The following CDKAL1 variants were observed in gnomAD, a reference collection of about 807,000 sequenced individuals.
The protein encoded by CDKAL1 is CDKAL1 threonylcarbamoyladenosine tRNA methylthiotransferase, also known as threonylcarbamoyladenosine tRNA methylthiotransferase.
In CDKAL1, 32 loss-of-function variants were observed where a neutral mutation model predicts 68.2. The observed-to-expected ratio is 0.47, with a 90% CI of 0.35 to 0.63. The LOEUF (loss-of-function observed/expected upper bound fraction) is 0.63. Ranked by LOEUF, CDKAL1 falls within the 30% of genes least tolerant of loss-of-function variation. The pLI is 0.00. For missense variants in CDKAL1, 606 were observed against 696.7 expected (o/e 0.87, Z 1.47); for synonymous variants, 234 against 244.3 (o/e 0.96, Z 0.39).
intron 11 of CDKAL1, among the ~76,000 whole-genome samples, chr6:21,059,802 TC>T (rs1243781810): frequency 6.6e-6 from 1 of 152,220 alleles, no homozygotes; most frequent in Non-Finnish European, 1.5e-5. Context: ...ACAAGTGGTT[TC>T]TGGTTACATG....
intron 5 of CDKAL1, among the ~76,000 whole-genome samples, chr6:20,680,116 G>A (rs890468238): frequency 2.0e-5 from 3 of 151,748 alleles, no homozygotes; most frequent in African/African-American, 7.3e-5. Context: ...TGCCCAGGTT[G>A]AAGTGTAGTG....
chr6:20,686,256 G>C (rs928876313), intron 5 of CDKAL1, among the ~76,000 whole-genome samples: 1 of 152,098 alleles, frequency 6.6e-6, no homozygotes, highest in African/African-American at 2.4e-5. Context: ...ACTGGTACTG[G>C]TCTGTGGCTT....
intron 4 of CDKAL1, among the ~76,000 whole-genome samples, chr6:20,568,248 G>A (rs1470838479): frequency 6.6e-6 from 1 of 152,032 alleles, no homozygotes. Context: ...CCAACTCCTG[G>A]CCTCAAGGGA....
At chr6:20,810,533 G>GC (rs1326329398) in intron 8 of CDKAL1, among the ~76,000 whole-genome samples, 1 of 150,850 alleles carries the variant, frequency 6.6e-6, no homozygotes, top group African/African-American at 2.4e-5. Flanking sequence ...GGAGTTCCAG[G>GC]CTGCAGTGAG....
intron 4 of CDKAL1, among the ~76,000 whole-genome samples, chr6:20,646,474 T>G (rs1053737991): frequency 1.3e-5 from 2 of 152,152 alleles, no homozygotes; most frequent in African/African-American, 4.8e-5. Flanking sequence ...AGCTCCATTA[T>G]ACTCTTGTGT....
intron 4 of CDKAL1, among the ~76,000 whole-genome samples, chr6:20,627,130 A>G (rs1489857452): frequency 2.6e-5 from 4 of 152,214 alleles, no homozygotes; most frequent in East Asian, 3.9e-4. Context: ...GTTCTTATAC[A>G]TAATTGCATC....
At chr6:20,995,294 A>C (rs1767042300) in intron 10 of CDKAL1, among the ~76,000 whole-genome samples, 1 of 152,186 alleles carries the variant, frequency 6.6e-6, no homozygotes, top group African/African-American at 2.4e-5. Context: ...ATGAATCATG[A>C]ATGTTCTTAA....
intron 8 of CDKAL1, among the ~76,000 whole-genome samples, chr6:20,813,504 G>T (rs957753292): frequency 6.6e-6 from 1 of 152,038 alleles, no homozygotes; most frequent in Non-Finnish European, 1.5e-5. Flanking sequence ...TGTACTTTTT[G>T]TGTTTCACAT....
chr6:20,955,372 G>C (rs750391098), intron 9 of CDKAL1, 47 bp from the exon 10 acceptor site: 4 of 1,573,318 alleles, frequency 2.5e-6, no homozygotes, highest in Non-Finnish European at 3.5e-6. Flanking sequence ...TATGATGAAG[G>C]AAACAGCTCT....
chr6:21,205,540 G>A (rs1199360523), intron 15 of CDKAL1, among the ~76,000 whole-genome samples: 1 of 151,152 alleles, frequency 6.6e-6, no homozygotes, highest in Non-Finnish European at 1.5e-5. Flanking sequence ...GTTTTGTTTT[G>A]TTTTTTTTGA....
chr6:21,189,722 T>C (rs536784888), intron 13 of CDKAL1, among the ~76,000 whole-genome samples: 1 of 152,334 alleles, frequency 6.6e-6, no homozygotes, highest in South Asian at 2.1e-4. Context: ...TAGAATGGCA[T>C]TGTGGAGTAA....
At chr6:21,170,311 A>G (rs1011321457) in intron 13 of CDKAL1, among the ~76,000 whole-genome samples, 1 of 152,096 alleles carries the variant, frequency 6.6e-6, no homozygotes, top group Non-Finnish European at 1.5e-5. Flanking sequence ...TACAGTGTCT[A>G]CTTATGAGGT....
intron 5 of CDKAL1, among the ~76,000 whole-genome samples, chr6:20,721,915 T>C (rs2127846088): frequency 6.6e-6 from 1 of 152,046 alleles, no homozygotes; most frequent in East Asian, 1.9e-4. Flanking sequence ...GCATTTTTAG[T>C]AGAGATGGGA....
chr6:21,044,011 T>A (rs1035252114), intron 11 of CDKAL1, among the ~76,000 whole-genome samples: 1 of 152,236 alleles, frequency 6.6e-6, no homozygotes, highest in Non-Finnish European at 1.5e-5. Context: ...AAGTGGAATA[T>A]AAATTCTATT....
At chr6:21,079,136 AT>A (rs1349740762) in intron 12 of CDKAL1, among the ~76,000 whole-genome samples, 1 of 152,156 alleles carries the variant, frequency 6.6e-6, no homozygotes, top group Non-Finnish European at 1.5e-5. Flanking sequence ...ATTCATTCCC[AT>A]TGGGGCGGTG....
intron 15 of CDKAL1, among the ~76,000 whole-genome samples, chr6:21,226,838 G>A (rs1016639588): frequency 6.6e-6 from 1 of 152,198 alleles, no homozygotes; most frequent in African/African-American, 2.4e-5. Flanking sequence ...TCAGCCTCCC[G>A]AGTAGCTGGG....
At chr6:20,785,748 T>C (rs1775645353) in intron 8 of CDKAL1, among the ~76,000 whole-genome samples, 1 of 152,204 alleles carries the variant, frequency 6.6e-6, no homozygotes, top group African/African-American at 2.4e-5. Context: ...TTTTCAAAAT[T>C]TTATTGCTTC....
At chr6:21,179,691 A>G (rs1777718581) in intron 13 of CDKAL1, among the ~76,000 whole-genome samples, 1 of 152,188 alleles carries the variant, frequency 6.6e-6, no homozygotes, top group Non-Finnish European at 1.5e-5. Context: ...TTCCACATAT[A>G]CTTCAAGTAA....
intron 9 of CDKAL1, among the ~76,000 whole-genome samples, chr6:20,867,692 C>G (rs1162277249): frequency 6.6e-6 from 1 of 152,198 alleles, no homozygotes; most frequent in African/African-American, 2.4e-5. Context: ...AAGGCTGACA[C>G]AGAATCATGG....
Sources: allele counts gnomAD v4.1 joint callset (sites outside exome capture counted in the v4.1 genomes callset), GRCh38; gene constraint gnomAD v4.1.1; transcripts MANE v1.5; gene names NCBI Gene and HGNC (gene_info 2026-07-23, HGNC 2026-07-21).